PHF21B: variants seen among roughly 807,000 people sequenced by gnomAD.
The protein encoded by PHF21B is PHD finger protein 21B.
In PHF21B, 22 loss-of-function variants were observed where a neutral mutation model predicts 62.2. The ratio of observed to expected loss-of-function variants is 0.35; its 90% CI spans 0.25 to 0.51. The LOEUF (loss-of-function observed/expected upper bound fraction) is 0.51. Among genes scored for constraint, PHF21B ranks in the 20% least tolerant of loss-of-function variants. The pLI is 0.97. For missense variants in PHF21B, 701 were observed against 707.9 expected (o/e 0.99, Z 0.11); for synonymous variants, 341 against 314.7 (o/e 1.08, Z -0.88).
At chr22:44,891,517 A>G (rs1299951954) in intron 7 of PHF21B, among the ~76,000 whole-genome samples, 157 bp from the exon 8 acceptor site, 3 of 152,134 alleles carry the variant, frequency 2.0e-5, no homozygotes, top group Admixed American at 6.5e-5. Context: ...AATAGGAACA[A>G]ATACAGGGCA....
At chr22:44,919,355 CGA>C (rs1294784871) in intron 3 of PHF21B, among the ~76,000 whole-genome samples, 1 of 152,172 alleles carries the variant, frequency 6.6e-6, no homozygotes, top group Non-Finnish European at 1.5e-5. Flanking sequence ...TAAAACAGTA[CGA>C]GAGTTTTTTG....
At chr22:44,894,084 G>C (rs2071015447) in intron 6 of PHF21B, among the ~76,000 whole-genome samples, 2 of 152,218 alleles carry the variant, frequency 1.3e-5, no homozygotes, top group Admixed American at 1.3e-4. Flanking sequence ...CCCATGACCT[G>C]CCTCTCTGTG....
chr22:44,998,244 T>G (rs187671993), intron 2 of PHF21B, among the ~76,000 whole-genome samples: 1 of 152,170 alleles, frequency 6.6e-6, no homozygotes, highest in Admixed American at 6.6e-5. Flanking sequence ...GTCCTGAGGG[T>G]CCTTTCTTGG....
intron 2 of PHF21B, among the ~76,000 whole-genome samples, chr22:44,922,760 G>A (rs976797965): frequency 6.6e-6 from 1 of 152,160 alleles, no homozygotes. Flanking sequence ...GGATGAATCT[G>A]ACAATAGCTA....
intron 5 of PHF21B, among the ~76,000 whole-genome samples, chr22:44,905,498 G>A (rs1045321825): frequency 4.6e-5 from 7 of 152,022 alleles, no homozygotes; most frequent in African/African-American, 1.7e-4. Flanking sequence ...AGAGTATTTA[G>A]CACAATTCAC....
At chr22:44,958,514 C>T (rs1306823315) in intron 2 of PHF21B, among the ~76,000 whole-genome samples, 2 of 151,474 alleles carry the variant, frequency 1.3e-5, no homozygotes, top group Non-Finnish European at 2.9e-5. Flanking sequence ...ATTTTCTCAA[C>T]TTCTCTCACC....
At chr22:44,942,978 ACCC>A (rs1384020312) in intron 2 of PHF21B, among the ~76,000 whole-genome samples, 11 of 131,444 alleles carry the variant, frequency 8.4e-5, no homozygotes, top group Non-Finnish European at 1.8e-4. Flanking sequence ...CCACAGGCGG[ACCC>A]CCAGCAGGGA....
intron 2 of PHF21B, among the ~76,000 whole-genome samples, chr22:44,934,946 G>A (rs1434927526): frequency 1.3e-5 from 2 of 152,206 alleles, no homozygotes; most frequent in South Asian, 2.1e-4. Flanking sequence ...AGGAGCGTGG[G>A]AAGAGAAGAC....
chr22:44,962,909 TAC>T (rs2072452895), intron 2 of PHF21B, among the ~76,000 whole-genome samples: 1 of 152,124 alleles, frequency 6.6e-6, no homozygotes, highest in Non-Finnish European at 1.5e-5. Context: ...AGCCACGCAG[TAC>T]AGTTTTCTCT....
chr22:44,984,597 A>T (rs995038624), intron 2 of PHF21B, among the ~76,000 whole-genome samples: 1 of 152,202 alleles, frequency 6.6e-6, no homozygotes, highest in Non-Finnish European at 1.5e-5. Context: ...AGCTGGAGGC[A>T]CATCTGAGAG....
At chr22:44,902,368 C>A (rs1477725725) in intron 5 of PHF21B, 2 of 345,772 alleles carry the variant, frequency 5.8e-6, no homozygotes, top group South Asian at 3.0e-5. Flanking sequence ...AGCTCCAGGG[C>A]TACCTGAGAT....
chr22:44,981,834 A>T (rs554243742), intron 2 of PHF21B, among the ~76,000 whole-genome samples: 2 of 152,362 alleles, frequency 1.3e-5, no homozygotes, highest in South Asian at 4.1e-4. Context: ...ATGGAAACTG[A>T]CAAAAGGTTG....
At chr22:45,001,080 T>C (rs2073208910) in intron 2 of PHF21B, 1 of 152,168 alleles carries the variant, frequency 6.6e-6, no homozygotes, top group Non-Finnish European at 1.5e-5. Flanking sequence ...GGGCCCTTGC[T>C]CTTCCGGCTC....
chr22:44,932,433 C>T (rs561577055), intron 2 of PHF21B, among the ~76,000 whole-genome samples: 1 of 152,192 alleles, frequency 6.6e-6, no homozygotes, highest in Non-Finnish European at 1.5e-5. Context: ...CTGGAGTGGC[C>T]GCCACCACCA....
At chr22:44,883,671 TCG>T (rs2070777876) in intron 12 of PHF21B, among the ~76,000 whole-genome samples, 1 of 152,088 alleles carries the variant, frequency 6.6e-6, no homozygotes, top group East Asian at 1.9e-4. Context: ...GCTCTTTCTC[TCG>T]CCTGTTGTGC....
At chr22:44,949,785 G>C (rs529782059) in intron 2 of PHF21B, among the ~76,000 whole-genome samples, 1 of 152,316 alleles carries the variant, frequency 6.6e-6, no homozygotes, top group Admixed American at 6.5e-5. Flanking sequence ...TGAGTTAAAG[G>C]CATGCACTTT....
Position 44,893,517 on chromosome 22 carries a change from T to C in PHF21B, c.900A>G (p.Arg300=), listed in dbSNP as rs1569210885. Residue 300 remains arginine, a synonymous_variant, in exon 7 of 13, where the codon CGA becomes CGG. Coordinates refer to ENST00000313237, the MANE Select transcript of PHF21B (RefSeq NM_138415.5). The stretch of plus-strand genomic sequence containing the variant: ...CTGTGCTTCTTCTCTTCCGCTCCTG[T>C]CGCTTGCTCTGGATTTCTGGAAAGG... The part of the protein sequence containing the change: ...TEHLEEIQSK[R]QERKRRSTAN... 3.7e-6 allele frequency: 6 copies of C among 1,602,826 alleles called. No homozygotes were observed. Among genetic ancestry groups the C allele is most frequent in the Non-Finnish European group, 5.1e-6 (6 of 1,174,846 alleles).
At chr22:44,991,718 G>A (rs1009443343) in intron 2 of PHF21B, among the ~76,000 whole-genome samples, 7 of 152,292 alleles carry the variant, frequency 4.6e-5, no homozygotes, top group Admixed American at 6.5e-5. Flanking sequence ...TCTGTGTCCC[G>A]CTGGCCTCCC....
rs991184110 is a variant in PHF21B at position 44,973,866 on chromosome 22, G to C, written c.120+34679C>G. ...CTGGGAAGTCAGGGAAGACTTCTTG[G>C]AGGAGGTGGTGCCAAGTCAATTCTT... On this transcript the variant is annotated intron_variant, in intron 2 of 12. Coordinates refer to ENST00000313237, the MANE Select transcript of PHF21B (RefSeq NM_138415.5). Among the ~76,000 whole-genome samples, 40 of 152,208 alleles carry C rather than the reference G, an allele frequency of 2.6e-4. 1 individual carries two copies. Among genetic ancestry groups the C allele is most frequent in the Admixed American group, 2.4e-3 (36 of 15,278 alleles).
Sources: allele counts gnomAD v4.1 joint callset (sites outside exome capture counted in the v4.1 genomes callset), GRCh38; gene constraint gnomAD v4.1.1; transcripts MANE v1.5; gene names NCBI Gene and HGNC (gene_info 2026-07-23, HGNC 2026-07-21).